Variants in APP observed in about 807,000 individuals in gnomAD.
APP encodes the protein amyloid-beta precursor protein.
APP carries 31 observed loss-of-function variants against 101.4 expected under a neutral mutation model. The ratio of observed to expected loss-of-function variants is 0.31; its 90% CI spans 0.23 to 0.41. The LOEUF (loss-of-function observed/expected upper bound fraction) is 0.41, where lower values mean the gene tolerates loss of function less well. Among genes scored for constraint, APP ranks in the 10% least tolerant of loss-of-function variants. The pLI, the probability that APP is intolerant of heterozygous loss-of-function variation, is 1.00. For missense variants in APP, 839 were observed against 1,003.7 expected, an observed-to-expected ratio of 0.84 and a Z score of 2.22; for synonymous variants, 366 against 364.4, an observed-to-expected ratio of 1.00 and a Z score of -0.05.
chr21:26,166,809 C>T (rs2063621050), intron 1 of APP, among the ~76,000 whole-genome samples: 1 of 152,056 alleles, frequency 6.6e-6, no homozygotes, highest in South Asian at 2.1e-4. Context: ...GACCTCTCAA[C>T]TCCTTATTTC....
intron 2 of APP, among the ~76,000 whole-genome samples, chr21:26,097,661 T>G (rs2061973723): frequency 6.6e-6 from 1 of 152,208 alleles, no homozygotes; most frequent in Non-Finnish European, 1.5e-5. Context: ...AGTGACAAGT[T>G]AAGCTCTCAC....
At chr21:25,999,830 GGA>G (rs1052523418) in intron 7 of APP, among the ~76,000 whole-genome samples, 183 bp downstream of exon 7, 4 of 152,230 alleles carry the variant, frequency 2.6e-5, no homozygotes, top group Non-Finnish European at 5.9e-5. Flanking sequence ...AGGGAAAGAC[GGA>G]GAGGTGTGCT....
intron 6 of APP, among the ~76,000 whole-genome samples, chr21:26,019,028 G>A (rs2044219509): frequency 6.6e-6 from 1 of 152,182 alleles, no homozygotes; most frequent in Non-Finnish European, 1.5e-5. Context: ...AAATTGTCTT[G>A]TTCTAGAATA....
chr21:25,949,170 T>C (rs1214403913), intron 13 of APP, among the ~76,000 whole-genome samples: 1 of 152,124 alleles, frequency 6.6e-6, no homozygotes, highest in East Asian at 1.9e-4. Flanking sequence ...GAAAAAAATA[T>C]GAAATTATAA....
At position 26,000,147 on chromosome 21, in the gene APP, G is replaced by T; in HGVS notation, c.901C>A (p.Arg301=). ...AAGTACCAGCGGGAGATCATTGCTC[G>T]GCACGGCCCCGTCTCGGCTTGTTCA... ...CSEQAETGPC[R]AMISRWYFDV... is the part of the protein sequence containing the mutation. Residue 301 remains arginine (R), a synonymous_variant, in exon 7 of 18, where the codon CGA becomes AGA. Transcript: ENST00000346798. 6.2e-7 allele frequency: 1 copy of T among 1,614,186 alleles called. No homozygotes were observed. The highest frequency in any genetic ancestry group is 8.5e-7 in the Non-Finnish European group (1 of 1,180,032).
At chr21:26,022,559 A>G (rs2044389725) in intron 5 of APP, among the ~76,000 whole-genome samples, 2 of 152,016 alleles carry the variant, frequency 1.3e-5, no homozygotes, top group South Asian at 4.1e-4. Context: ...CAAAATGTTA[A>G]TCCAGGGGAA....
chr21:25,901,316 AAACAAAACCAAGAGCTCTCCACT>A (rs2038465975), intron 15 of APP, among the ~76,000 whole-genome samples: 1 of 109,564 alleles, frequency 9.1e-6, no homozygotes, highest in Non-Finnish European at 2.1e-5. Context: ...AAAAAAAAAA[AAACAAAACCAAGAGCTCTCCACT>A]AAAAACTTTA....
intron 3 of APP, among the ~76,000 whole-genome samples, chr21:26,084,696 A>AG (rs1269006911): frequency 6.6e-6 from 1 of 152,146 alleles, no homozygotes; most frequent in Non-Finnish European, 1.5e-5. Flanking sequence ...GCAATTTTGG[A>AG]GGGAAAAAAA....
At chr21:26,146,525 T>C (rs1256066053) in intron 1 of APP, among the ~76,000 whole-genome samples, 1 of 152,182 alleles carries the variant, frequency 6.6e-6, no homozygotes, top group Non-Finnish European at 1.5e-5. Flanking sequence ...TGTCCACGTC[T>C]AATAGAGATT....
chr21:26,077,594 C>T (rs2061521179), intron 3 of APP, among the ~76,000 whole-genome samples: 1 of 152,116 alleles, frequency 6.6e-6, no homozygotes, highest in Non-Finnish European at 1.5e-5. Flanking sequence ...ACAGGAAAAT[C>T]TTTAACGCAG....
intron 8 of APP, among the ~76,000 whole-genome samples, chr21:25,988,021 C>T (rs150649078): frequency 9.7e-4 from 147 of 152,220 alleles, no homozygotes; most frequent in African/African-American, 3.4e-3. Flanking sequence ...TCAGAAGGAT[C>T]GGGAGAGCTG....
intron 2 of APP, among the ~76,000 whole-genome samples, chr21:26,099,168 G>C (rs1318300553): frequency 1.5e-4 from 21 of 136,130 alleles, no homozygotes; most frequent in Admixed American, 7.3e-5. Flanking sequence ...TGTGAAAAAG[G>C]AAAAAAAAAA....
At chr21:26,110,170 C>T (rs1436392641) in intron 2 of APP, among the ~76,000 whole-genome samples, 9 of 152,098 alleles carry the variant, frequency 5.9e-5, no homozygotes, top group Non-Finnish European at 1.0e-4. Context: ...ATGGACCATA[C>T]GTGGTAGCTC....
At chr21:26,105,211 A>G (rs1469234610) in intron 2 of APP, among the ~76,000 whole-genome samples, 1 of 152,184 alleles carries the variant, frequency 6.6e-6, no homozygotes, top group Non-Finnish European at 1.5e-5. Context: ...TAAGAAAAAC[A>G]TTGTTCAACA....
intron 8 of APP, among the ~76,000 whole-genome samples, chr21:25,983,164 T>G (rs1315890351): frequency 1.3e-5 from 2 of 152,236 alleles, no homozygotes; most frequent in African/African-American, 4.8e-5. Context: ...TAAGCAATAT[T>G]TGAATTGCAA....
intron 13 of APP, among the ~76,000 whole-genome samples, chr21:25,939,834 T>G (rs1202987566): frequency 6.6e-6 from 1 of 151,660 alleles, no homozygotes; most frequent in Non-Finnish European, 1.5e-5. Context: ...AAAAAAAAAG[T>G]ACTCAAGAAT....
At chr21:26,054,471 T>C (rs968737439) in intron 3 of APP, among the ~76,000 whole-genome samples, 8 of 152,072 alleles carry the variant, frequency 5.3e-5, no homozygotes, top group South Asian at 2.1e-4. Flanking sequence ...GCAAGGCATA[T>C]TTGCAGCCCA....
At chr21:25,938,973 T>C (rs1368734041) in intron 13 of APP, among the ~76,000 whole-genome samples, 5 of 152,198 alleles carry the variant, frequency 3.3e-5, no homozygotes, top group Non-Finnish European at 4.4e-5. Flanking sequence ...TCTGCTCTAA[T>C]ATACCTATTT....
intron 6 of APP, among the ~76,000 whole-genome samples, chr21:26,013,429 T>C (rs2043908358): frequency 6.6e-6 from 1 of 152,098 alleles, no homozygotes; most frequent in African/African-American, 2.4e-5. Context: ...TTTTTTTTCT[T>C]AATTGCAAAT....
Sources: allele counts gnomAD v4.1 joint callset (sites outside exome capture counted in the v4.1 genomes callset), GRCh38; gene constraint gnomAD v4.1.1; transcripts MANE v1.5; gene names NCBI Gene and HGNC (gene_info 2026-07-23, HGNC 2026-07-21).